SOCS6: variants seen among roughly 807,000 people sequenced by gnomAD.
The protein encoded by SOCS6 is suppressor of cytokine signaling 6.
Under a neutral mutation model 27.7 loss-of-function variants are expected in SOCS6, and 5 were observed. That is an observed-to-expected ratio of 0.18 (90% CI 0.09 to 0.38). The LOEUF (loss-of-function observed/expected upper bound fraction) is 0.38, where lower values mean the gene tolerates loss of function less well. SOCS6 is among the 10% of genes least tolerant of loss of function. The probability of loss-of-function intolerance (pLI) is 1.00; values close to 1 mark genes in which losing one functional copy is unlikely to be tolerated. For missense variants in SOCS6, 595 were observed against 688.1 expected (o/e 0.86, Z 1.51); for synonymous variants, 271 against 260.0 (o/e 1.04, Z -0.41).
chr18:70,306,091 G>A (rs1408169093), intron 1 of SOCS6, among the ~76,000 whole-genome samples: 1 of 152,016 alleles, frequency 6.6e-6, no homozygotes, highest in Non-Finnish European at 1.5e-5. Flanking sequence ...TTAGCTAAGT[G>A]TGGTGGCATG....
chr18:70,318,938 C>G (rs1600165447), intron 1 of SOCS6, among the ~76,000 whole-genome samples: 1 of 141,336 alleles, frequency 7.1e-6, no homozygotes, highest in African/African-American at 2.6e-5. Flanking sequence ...TTCCGTCTCA[C>G]AAAAAAAAGA....
Position 70,326,443 on chromosome 18 carries a change from T to C in SOCS6, c.*167T>C, listed in dbSNP as rs1911212379. The stretch of plus-strand genomic sequence containing the variant: ...GGGGTGGGGAAGTGTCAGCAAGGTG[T>C]CTTGGGTTTATTTTGGTTCTTTAAA... On this transcript the variant is annotated 3_prime_UTR_variant, in exon 2 of 2. Transcript: ENST00000397942. 1 of 630,590 alleles carries C rather than the reference T, an allele frequency of 1.6e-6. No homozygotes were observed. The highest frequency in any genetic ancestry group is 2.8e-5 in the East Asian group (1 of 35,618). The allele number at this position is 630,590 out of a possible 1,614,324, so 39.1% of individuals were successfully genotyped here. A position where few individuals can be genotyped will look rare whatever the true frequency, so the allele number is the denominator to read the frequency against.
intron 1 of SOCS6, 73 bp from the exon 2 acceptor site, chr18:70,324,470 T>G: frequency 4.3e-6 from 2 of 467,774 alleles, no homozygotes; most frequent in Non-Finnish European, 7.5e-6. Context: ...AGTTAAAGGA[T>G]TAAAACTGAC....
At chr18:70,296,638 T>G (rs2062323951) in intron 1 of SOCS6, 1 of 152,262 alleles carries the variant, frequency 6.6e-6, no homozygotes, top group Non-Finnish European at 1.5e-5. Context: ...TCGTCCGGTT[T>G]TCAGTGTTAC....
intron 1 of SOCS6, among the ~76,000 whole-genome samples, chr18:70,319,395 C>T (rs1328047102): frequency 6.6e-6 from 1 of 152,048 alleles, no homozygotes; most frequent in Non-Finnish European, 1.5e-5. Flanking sequence ...CTTAAATTGC[C>T]TTCACAGATA....
intron 1 of SOCS6, among the ~76,000 whole-genome samples, chr18:70,311,538 T>G (rs1401226605): frequency 6.6e-6 from 1 of 151,934 alleles, no homozygotes; most frequent in Non-Finnish European, 1.5e-5. Flanking sequence ...TGGGGTGGAG[T>G]GGTCATTTTG....
At chr18:70,311,951 G>T (rs991151045) in intron 1 of SOCS6, among the ~76,000 whole-genome samples, 8 of 151,454 alleles carry the variant, frequency 5.3e-5, no homozygotes, top group Admixed American at 2.6e-4. Context: ...TGTGACTTTA[G>T]GCAAGTTCCT....
chr18:70,291,453 T>A (rs1459651373), intron 1 of SOCS6, among the ~76,000 whole-genome samples: 1 of 152,202 alleles, frequency 6.6e-6, no homozygotes, highest in Admixed American at 6.5e-5. Context: ...GAGAAAAATC[T>A]TGCTAGTTTT....
intron 1 of SOCS6, among the ~76,000 whole-genome samples, chr18:70,297,539 C>T (rs2062329739): frequency 6.6e-6 from 1 of 152,290 alleles, no homozygotes; most frequent in East Asian, 1.9e-4. Context: ...GCCTGCTGAT[C>T]TGTAGTGGGT....
At chr18:70,319,314 G>T (rs933901502) in intron 1 of SOCS6, among the ~76,000 whole-genome samples, 97 of 152,258 alleles carry the variant, frequency 6.4e-4, no homozygotes, top group African/African-American at 2.2e-3. Context: ...ATGGTGTAGA[G>T]AGAGATTTAC....
At chr18:70,321,139 T>C (rs113553510) in intron 1 of SOCS6, among the ~76,000 whole-genome samples, 28 of 151,548 alleles carry the variant, frequency 1.8e-4, no homozygotes, top group African/African-American at 6.3e-4. Flanking sequence ...CCAGGCGTGG[T>C]GGTGCGTGCC....
At chr18:70,310,090 GA>G (rs528009780) in intron 1 of SOCS6, among the ~76,000 whole-genome samples, 146 of 152,018 alleles carry the variant, frequency 9.6e-4, no homozygotes, top group Middle Eastern at 6.8e-3. Context: ...AAGAAGAAAT[GA>G]AAAAAATATA....
rs150306645 is a variant in SOCS6 at position 70,308,516 on chromosome 18, C to G, written c.-126-16027C>G. 5.6e-3 allele frequency among the ~76,000 whole-genome samples: 859 copies of G among 152,188 alleles called. 7 individuals carry two copies. The highest frequency in any genetic ancestry group is 0.02 in the African/African-American group (820 of 41,530). On this transcript the variant is annotated intron_variant, in intron 1 of 1. Coordinates refer to ENST00000397942, the MANE Select transcript of SOCS6 (RefSeq NM_004232.4). ...GGATTACAGGTGTGAGTCACCACAC[C>G]TGGCTATTGAGGCTTGTTGTGGTCT...
Position 70,324,749 on chromosome 18 carries a change from A to G in SOCS6, c.81A>G (p.Val27=). ...KSKEETDFMV[V]QQPSLASDFG... is the part of the protein sequence containing the mutation. ...AAGAAGAAACTGATTTCATGGTAGT[A>G]CAACAACCATCGCTAGCCAGTGACT... Residue 27 remains valine, a synonymous_variant, in exon 2 of 2, where the codon GTA becomes GTG. Transcript: ENST00000397942. 2 of 1,610,988 alleles carry G rather than the reference A, an allele frequency of 1.2e-6. No individual in the cohort carries two copies. The highest frequency in any genetic ancestry group is 1.7e-6 in the Non-Finnish European group (2 of 1,177,054).
At chr18:70,314,379 TTAGTC>T (rs1472521270) in intron 1 of SOCS6, 2 of 152,338 alleles carry the variant, frequency 1.3e-5, no homozygotes, top group South Asian at 2.1e-4. Flanking sequence ...AAATGACAGT[TTAGTC>T]TATGATGAAC....
chr18:70,301,378 A>T (rs1038597510), intron 1 of SOCS6, among the ~76,000 whole-genome samples: 3 of 152,184 alleles, frequency 2.0e-5, no homozygotes, highest in African/African-American at 7.2e-5. Context: ...GGTAGCTGAA[A>T]TTGGGATTTC....
chr18:70,324,934 G>T lies in SOCS6; in HGVS notation c.266G>T (p.Gly89Val), dbSNP rs188719904. The T allele has an allele frequency of 6.2e-7, 1 of 1,614,170 alleles. No individual in the cohort carries two copies. Among genetic ancestry groups the T allele is most frequent in the East Asian group, 2.2e-5 (1 of 44,888 alleles). The part of the protein sequence containing the change: ...RRLSAKQKSK[G>V]KAGTPSGSSA... ...CTTTCTGCAAAACAGAAGTCAAAAG[G>T]CAAGGCGGGCACACCCTCTGGGAGC... Residue 89 changes from glycine (G) to valine (V), a missense_variant, in exon 2 of 2, where the codon GGC becomes GTC. Gly to Val is a moderately radical substitution (Grantham distance 109). This residue lies in a region of SOCS6 where 467 missense variants were observed against 481.1 expected (regional missense o/e 0.97). Coordinates refer to ENST00000397942, the MANE Select transcript of SOCS6 (RefSeq NM_004232.4).
rs995227999 is a variant in SOCS6, at chr18:70,309,259, A to T, written c.-126-15284A>T. Among the ~76,000 whole-genome samples, 3 of 152,282 alleles carry T rather than the reference A, an allele frequency of 2.0e-5. No homozygotes were observed. The East Asian group carries it at 5.8e-4, about 29-fold the overall frequency. ...TTTTTTATCATTAAATAATAAAAAA[A>T]CTTTTTAGCTTATGAAATACACAAA... On this transcript the variant is annotated intron_variant, in intron 1 of 1. Transcript: ENST00000397942.
chr18:70,311,346 G>A (rs566534122), intron 1 of SOCS6, among the ~76,000 whole-genome samples: 22 of 152,256 alleles, frequency 1.4e-4, no homozygotes, highest in East Asian at 1.9e-4. Context: ...GATTAAAAGC[G>A]AGGAACAATT....
Sources: gnomAD v4.1 joint callset for allele counts (sites outside exome capture counted in the v4.1 genomes callset) on GRCh38, gnomAD v4.1.1 for gene constraint, gnomAD v4.1.1 regional missense constraint, MANE v1.5 for transcripts, NCBI Gene and HGNC (gene_info 2026-07-23, HGNC 2026-07-21) for gene names.